The following PCSK1 variants were observed in gnomAD, a reference collection of about 807,000 sequenced individuals.
PCSK1 encodes neuroendocrine convertase 1.
In PCSK1, 56 loss-of-function variants were observed where a neutral mutation model predicts 90.6. The ratio of observed to expected loss-of-function variants is 0.62; its 90% confidence interval spans 0.50 to 0.77. PCSK1 has a LOEUF of 0.77. Among genes scored for constraint, PCSK1 ranks in the 30% least tolerant of loss-of-function variants. PCSK1 has a pLI of 0.00. For synonymous variants in PCSK1, 348 were observed against 342.4 expected (o/e 1.02, Z -0.18); for missense variants, 801 against 932.6 (o/e 0.86, Z 1.84).
intron 8 of PCSK1, among the ~76,000 whole-genome samples, chr5:96,409,538 A>T (rs1304421398): frequency 6.6e-6 from 1 of 152,208 alleles, no homozygotes; most frequent in South Asian, 2.1e-4. Flanking sequence ...TTTCTTAAGG[A>T]GGGAGTTTTA....
Position 96,416,912 on chromosome 5 carries a change from G to T in PCSK1, c.621-791C>A, listed in dbSNP as rs1467969005. Reference sequence around the variant, plus strand: ...TTCTGAAATTCTGAGGATGATAATTGTCTTTTCCCACCACCATCCTGACTC... The same window carrying T: ...TTCTGAAATTCTGAGGATGATAATTTTCTTTTCCCACCACCATCCTGACTC... On this transcript the variant is annotated intron_variant, in intron 5 of 13. Coordinates refer to ENST00000311106, the MANE Select transcript of PCSK1 (RefSeq NM_000439.5). Among the ~76,000 whole-genome samples, 5 of 152,196 alleles carry T rather than the reference G, an allele frequency of 3.3e-5. No homozygotes were observed. The South Asian group carries it at 8.3e-4, about 25-fold the overall frequency.
intron 12 of PCSK1, 119 bp from the exon 13 acceptor site, chr5:96,395,144 A>T: frequency 1.2e-6 from 1 of 860,914 alleles, no homozygotes. Context: ...TGTGCATTTC[A>T]TGTGAAAGAA....
At chr5:96,398,337 T>C (rs564627308) in intron 11 of PCSK1, among the ~76,000 whole-genome samples, 1 of 152,328 alleles carries the variant, frequency 6.6e-6, no homozygotes, top group South Asian at 2.1e-4. Flanking sequence ...TTATGGCTTA[T>C]GGTTCACGAG....
intron 3 of PCSK1, among the ~76,000 whole-genome samples, chr5:96,425,019 AG>A (rs1288821232): frequency 3.2e-5 from 2 of 63,034 alleles, no homozygotes; most frequent in Non-Finnish European, 7.0e-5. Flanking sequence ...AAAGAAAGAA[AG>A]AAAGAAAGAA....
Position 96,398,906 on chromosome 5 carries a change from G to A in PCSK1, c.1561C>T (p.Leu521Phe), listed in dbSNP as rs374955423. ...ATIEYSRRGD[L>F]HVTLTSAAGT... ...GCAGCAGAAGTAAGTGTGACATGAA[G>A]GTCTCCTCTTCGGGAATATTCAATT... is the stretch of plus-strand genomic sequence containing the variant. Residue 521 changes from leucine (L) to phenylalanine (F), a missense_variant, in exon 11 of 14, where the codon CTT becomes TTT. By Grantham distance (22) the Leu-to-Phe change is conservative. Transcript: ENST00000311106. The A allele has an allele frequency of 1.9e-6, 3 of 1,613,556 alleles. No individual in the cohort carries two copies. The highest frequency in any genetic ancestry group is 2.7e-5 in the African/African-American group (2 of 74,900).
At chr5:96,413,023 A>G in intron 6 of PCSK1, 2 of 886,982 alleles carry the variant, frequency 2.3e-6, no homozygotes, top group Non-Finnish European at 2.7e-6. Context: ...AGGACTCTGG[A>G]CAGGAAACAT....
intron 12 of PCSK1, among the ~76,000 whole-genome samples, chr5:96,396,189 A>G (rs1760133683): frequency 2.0e-5 from 3 of 151,720 alleles, no homozygotes; most frequent in African/African-American, 7.3e-5. Context: ...ATCCTCAGAG[A>G]AAAAAATGTA....
intron 13 of PCSK1, among the ~76,000 whole-genome samples, chr5:96,394,244 G>A (rs555125497): frequency 2.3e-4 from 35 of 152,304 alleles, no homozygotes; most frequent in African/African-American, 7.9e-4. Flanking sequence ...AAGAAAATGT[G>A]GGCTTTTCTC....
At chr5:96,431,214 G>A (rs749283028) in intron 1 of PCSK1, among the ~76,000 whole-genome samples, 10 of 152,112 alleles carry the variant, frequency 6.6e-5, no homozygotes, top group Non-Finnish European at 1.2e-4. Flanking sequence ...TAATAATTGC[G>A]TGCAATTCCC....
intron 1 of PCSK1, among the ~76,000 whole-genome samples, chr5:96,430,700 A>T (rs924588453): frequency 6.6e-6 from 1 of 152,232 alleles, no homozygotes; most frequent in Non-Finnish European, 1.5e-5. Flanking sequence ...AAGAATTATT[A>T]TTCTAATAAA....
chr5:96,410,101 C>G (rs915131861), intron 8 of PCSK1, among the ~76,000 whole-genome samples: 3 of 152,206 alleles, frequency 2.0e-5, no homozygotes, highest in Admixed American at 6.5e-5. Flanking sequence ...AAAGGTGTCT[C>G]CCTTTGTTCT....
In PCSK1 at chr5:96,423,478, GA is replaced by G; in HGVS notation, c.397-20del. On this transcript the variant is annotated intron_variant, in intron 3 of 13. Transcript: ENST00000311106. ...TATCTTGCTGGTAAAGAAAAACAAC[GA>G]AGCATTGATAAAATTATCATTTGCT... 6.2e-7 allele frequency: 1 copy of G among 1,612,708 alleles called. No homozygotes were observed. Among genetic ancestry groups the G allele is most frequent in the South Asian group, 1.1e-5 (1 of 91,024 alleles).
chr5:96,428,810 A>C lies in PCSK1; in HGVS notation c.285+403T>G, dbSNP rs571701889. Among the ~76,000 whole-genome samples, 15 of 152,286 alleles carry C rather than the reference A, an allele frequency of 9.8e-5. No homozygotes were observed. The East Asian group carries it at 2.9e-3, about 29-fold the overall frequency. On this transcript the variant is annotated intron_variant, in intron 2 of 13. Transcript: ENST00000311106. ...TTCTTTGAGCCCACATTGGTATTAA[A>C]GTGTTTGGTACATAATAGGTACCTA... is the stretch of plus-strand genomic sequence containing the variant.
intron 13 of PCSK1, among the ~76,000 whole-genome samples, chr5:96,393,848 G>A (rs1296657502): frequency 3.3e-5 from 5 of 152,222 alleles, no homozygotes; most frequent in African/African-American, 1.2e-4. Flanking sequence ...CCACTGAGCT[G>A]TAAGAAGTGG....
chr5:96,403,625 A>ATAC (rs1190467530), intron 9 of PCSK1, among the ~76,000 whole-genome samples: 4 of 152,234 alleles, frequency 2.6e-5, no homozygotes, highest in African/African-American at 9.6e-5. Context: ...TGTTTACAGA[A>ATAC]AATAAGGGTA....
intron 3 of PCSK1, among the ~76,000 whole-genome samples, chr5:96,424,729 A>T (rs1376723049): frequency 1.3e-5 from 2 of 152,084 alleles, no homozygotes; most frequent in African/African-American, 4.8e-5. Flanking sequence ...TTGGGAGGCC[A>T]AGGCGGGTGG....
chr5:96,393,445 C>G lies in PCSK1; in HGVS notation c.1885-67G>C, dbSNP rs1760025590. 79 of 1,579,626 alleles carry G rather than the reference C, an allele frequency of 5.0e-5. 2 individuals carry two copies. The South Asian group carries it at 7.9e-4, about 16-fold the overall frequency. ...TATTTATGGCCAGGCAAGCTAGTTGCAACCCTACCACAGGAACGCTGCCTG... is the reference window on the plus strand; with the variant it reads ...TATTTATGGCCAGGCAAGCTAGTTGGAACCCTACCACAGGAACGCTGCCTG... On this transcript the variant is annotated intron_variant, in intron 13 of 13. Transcript: ENST00000311106.
intron 9 of PCSK1, among the ~76,000 whole-genome samples, chr5:96,404,422 T>C (rs1272771049): frequency 2.0e-5 from 3 of 152,218 alleles, no homozygotes; most frequent in African/African-American, 7.2e-5. Flanking sequence ...TATATGCTGG[T>C]ACTTGAGAAA....
chr5:96,427,448 T>A (rs780654805), intron 2 of PCSK1, among the ~76,000 whole-genome samples: 3 of 152,344 alleles, frequency 2.0e-5, no homozygotes, highest in Admixed American at 6.5e-5. Flanking sequence ...TTGAAGATCA[T>A]CTAATTCAAC....
Sources: allele counts gnomAD v4.1 joint callset (sites outside exome capture counted in the v4.1 genomes callset), GRCh38; gene constraint gnomAD v4.1.1; transcripts MANE v1.5; gene names NCBI Gene and HGNC (gene_info 2026-07-23, HGNC 2026-07-21).